Variants in LAPTM4B observed in about 807,000 individuals in gnomAD.
LAPTM4B encodes the protein lysosomal-associated transmembrane protein 4B.
LAPTM4B carries 26 observed loss-of-function variants against 28.5 expected under a neutral mutation model. The observed-to-expected ratio is 0.91, with a 90% CI of 0.67 to 1.27. The LOEUF is 1.27. Among genes scored for constraint, LAPTM4B ranks in the 50% most tolerant of loss-of-function variants. LAPTM4B has a pLI of 0.00. For synonymous variants in LAPTM4B, 109 were observed against 106.4 expected (o/e 1.02, Z -0.15); for missense variants, 288 against 285.8 (o/e 1.01, Z -0.06).
intron 1 of LAPTM4B, among the ~76,000 whole-genome samples, chr8:97,782,274 C>T (rs141654404): frequency 0.033 from 4,554 of 137,138 alleles, 447 homozygotes; most frequent in African/African-American, 0.13. Context: ...AGCCACCATG[C>T]CCAGCTTTTT....
intron 2 of LAPTM4B, among the ~76,000 whole-genome samples, chr8:97,810,874 A>G (rs568765043): frequency 1.3e-5 from 2 of 152,382 alleles, no homozygotes; most frequent in South Asian, 4.1e-4. Flanking sequence ...GGCTACTTAT[A>G]TATACAGTCA....
At chr8:97,791,153 G>A (rs757367629) in intron 1 of LAPTM4B, among the ~76,000 whole-genome samples, 5 of 152,106 alleles carry the variant, frequency 3.3e-5, no homozygotes, top group Non-Finnish European at 7.4e-5. Flanking sequence ...CGAGCCACTT[G>A]CCTTGGCCTC....
rs1816889443 is a variant in LAPTM4B at position 97,815,161 on chromosome 8, G to T, written c.212-167G>T. 9.9e-6 allele frequency: 6 copies of T among 604,226 alleles called. No homozygotes were observed. The Admixed American group carries it at 1.7e-4, about 17-fold the overall frequency. The allele number at this position is 604,226 out of a possible 1,614,324, so 37.4% of individuals were successfully genotyped here. On this transcript the variant is annotated intron_variant, in intron 2 of 6. Coordinates refer to ENST00000521545, the MANE Select transcript of LAPTM4B (RefSeq NM_018407.6). ...AGAAGAACAAACATTAAAAAAATCT[G>T]TAAACCAATATCCCTTTTTCTATTT...
intron 4 of LAPTM4B, among the ~76,000 whole-genome samples, chr8:97,817,377 A>G (rs1816935794): frequency 6.7e-6 from 1 of 149,986 alleles, no homozygotes; most frequent in African/African-American, 2.5e-5. Context: ...GACTCAAGTG[A>G]TCCTCCAGCC....
chr8:97,812,227 G>GTTTTT (rs55878345), intron 2 of LAPTM4B, among the ~76,000 whole-genome samples: 16 of 89,094 alleles, frequency 1.8e-4, no homozygotes, highest in East Asian at 6.8e-4. Context: ...GTTGTTTTTT[G>GTTTTT]TTTTTTTTTT....
At chr8:97,789,817 G>T (rs933238056) in intron 1 of LAPTM4B, among the ~76,000 whole-genome samples, 17 of 152,040 alleles carry the variant, frequency 1.1e-4, no homozygotes, top group Non-Finnish European at 1.5e-5. Context: ...CACCTTGCCC[G>T]GCCCTCTTTC....
At chr8:97,804,749 C>A (rs1462461808) in intron 1 of LAPTM4B, among the ~76,000 whole-genome samples, 2 of 152,108 alleles carry the variant, frequency 1.3e-5, no homozygotes, top group African/African-American at 4.8e-5. Context: ...TTTAGAGGAG[C>A]TGAGTTTAAA....
At position 97,816,956 on chromosome 8, in the gene LAPTM4B, AAAAGAAAGTGG is replaced by A. The variant is rs1364603692; in HGVS notation, c.408+790_408+800del. 4.8e-4 allele frequency among the ~76,000 whole-genome samples: 73 copies of A among 152,028 alleles called. No individual in the cohort carries two copies. In the East Asian group the frequency reaches 0.013, roughly 27 times the overall value. On this transcript the variant is annotated intron_variant, in intron 4 of 6. Transcript: ENST00000521545. ...TCTCATCTAAAAAAAAAGAAAAATC[AAAAGAAAGTGG>A]AAAGAAAGTGGAACACTGCTGTATA...
At chr8:97,831,801 T>G (rs1489058797) in intron 6 of LAPTM4B, among the ~76,000 whole-genome samples, 1 of 152,186 alleles carries the variant, frequency 6.6e-6, no homozygotes, top group Admixed American at 6.5e-5. Context: ...TTCGCTGTTT[T>G]GTGGGCGCAG....
At chr8:97,849,293 T>C (rs1319501065) in intron 6 of LAPTM4B, among the ~76,000 whole-genome samples, 1 of 152,238 alleles carries the variant, frequency 6.6e-6, no homozygotes, top group Non-Finnish European at 1.5e-5. Context: ...TGTTGAGTTT[T>C]ACCTGTGTCT....
At chr8:97,782,906 T>TTTTA (rs60489660) in intron 1 of LAPTM4B, among the ~76,000 whole-genome samples, 28,876 of 134,866 alleles carry the variant, frequency 0.21, 3,640 homozygotes, top group African/African-American at 0.32. Flanking sequence ...TAATTTTGTA[T>TTTTA]TTTATTTATT....
rs1316024281 is a variant in LAPTM4B, at chr8:97,852,619, T to G, written c.*1145T>G. The G allele has an allele frequency of 1.4e-5, 2 of 148,034 alleles. No homozygotes were observed. The highest frequency in any genetic ancestry group is 6.9e-5 in the Admixed American group (1 of 14,524). 9.2% of individuals were successfully genotyped at this position (148,034 alleles called of 1,614,324 possible). A position where few individuals can be genotyped will look rare whatever the true frequency, so the allele number is the denominator to read the frequency against. ...CATCCAAGATGACCTTGTGATTTTG[T>G]GCTGATTGTGTCTGAGGACCTTTCC... On this transcript the variant is annotated 3_prime_UTR_variant, in exon 7 of 7. Transcript: ENST00000521545.
chr8:97,776,119 C>G lies in LAPTM4B; in HGVS notation c.99+11C>G, dbSNP rs931673450. On this transcript the variant is annotated intron_variant, in intron 1 of 6. Transcript: ENST00000521545. The stretch of plus-strand genomic sequence containing the variant: ...GGCGTCTGGTATCTGGTGAGCGCGG[C>G]GCGCCCGGCCCGGGACCCTGCGTTG... 6.4e-6 allele frequency: 10 copies of G among 1,563,116 alleles called. No homozygotes were observed. The highest frequency in any genetic ancestry group is 4.1e-4 in the Middle Eastern group (2 of 4,824).
rs981544841 is a variant in LAPTM4B, at chr8:97,812,215, T to G, written c.212-3113T>G. ...AGTAAATTAATTATTTGTTTTTTTTTTGTTGTTTTTTGTTTTTTTTTTGAG... is the reference window on the plus strand; with the variant it reads ...AGTAAATTAATTATTTGTTTTTTTTGTGTTGTTTTTTGTTTTTTTTTTGAG... On this transcript the variant is annotated intron_variant, in intron 2 of 6. Coordinates refer to ENST00000521545, the MANE Select transcript of LAPTM4B (RefSeq NM_018407.6). Among the ~76,000 whole-genome samples the G allele has an allele frequency of 3.8e-4, 42 of 110,516 alleles. 1 individual carries two copies. The highest frequency in any genetic ancestry group is 4.9e-4 in the Non-Finnish European group (24 of 48,528). The allele number at this position is 110,516 out of a possible 152,430, so 72.5% of individuals were successfully genotyped here.
At chr8:97,811,282 T>A (rs909616678) in intron 2 of LAPTM4B, among the ~76,000 whole-genome samples, 1 of 152,146 alleles carries the variant, frequency 6.6e-6, no homozygotes, top group African/African-American at 2.4e-5. Flanking sequence ...AACTCAGTCC[T>A]AGATATATAC....
At chr8:97,837,807 G>A (rs1029377732) in intron 6 of LAPTM4B, among the ~76,000 whole-genome samples, 4 of 152,152 alleles carry the variant, frequency 2.6e-5, no homozygotes, top group Non-Finnish European at 4.4e-5. Context: ...GACTGGAAGA[G>A]TTTGAAACTC....
intron 2 of LAPTM4B, among the ~76,000 whole-genome samples, chr8:97,811,182 C>T (rs1816820291): frequency 6.6e-6 from 1 of 152,154 alleles, no homozygotes; most frequent in Non-Finnish European, 1.5e-5. Context: ...ACGCCAACCA[C>T]TTTGGAAAAC....
chr8:97,779,993 G>A (rs975398195), intron 1 of LAPTM4B, among the ~76,000 whole-genome samples: 2 of 149,574 alleles, frequency 1.3e-5, no homozygotes, highest in African/African-American at 2.5e-5. Flanking sequence ...AGAGGTTGCC[G>A]TGAGCCGAGA....
In LAPTM4B at chr8:97,818,870, G is replaced by GAA. The variant is rs58053654; in HGVS notation, c.409-255_409-254dup. Among the ~76,000 whole-genome samples the GAA allele has an allele frequency of 7.3e-3, 864 of 117,956 alleles. 10 individuals carry two copies. Among genetic ancestry groups the GAA allele is most frequent in the African/African-American group, 0.021 (673 of 32,470 alleles). 77.4% of individuals were successfully genotyped at this position (117,956 alleles called of 152,430 possible). A position where few individuals can be genotyped will look rare whatever the true frequency, so the allele number is the denominator to read the frequency against. The stretch of plus-strand genomic sequence containing the variant: ...CAGAGAGAAACTCCATCTCAAAAAA[G>GAA]AAAAAAAAAAAAAAAAGGAATGGTT... On this transcript the variant is annotated intron_variant, in intron 4 of 6. Transcript: ENST00000521545.
Sources: allele counts gnomAD v4.1 joint callset (sites outside exome capture counted in the v4.1 genomes callset), GRCh38; gene constraint gnomAD v4.1.1; transcripts MANE v1.5; gene names NCBI Gene and HGNC (gene_info 2026-07-23, HGNC 2026-07-21).